Variants in NAV2 observed in about 807,000 individuals in gnomAD.
The protein encoded by NAV2 is helicase, APC down-regulated 1.
NAV2 carries 54 observed loss-of-function variants against 223.2 expected under a neutral mutation model. The ratio of observed to expected loss-of-function variants is 0.24; its 90% CI spans 0.19 to 0.30. NAV2 has a LOEUF of 0.30. NAV2 is among the 10% of genes least tolerant of loss of function. The probability of loss-of-function intolerance (pLI) is 1.00; values close to 1 mark genes in which losing one functional copy is unlikely to be tolerated. For missense variants in NAV2, 2,806 were observed against 3,147.5 expected (o/e 0.89, Z 2.60); for synonymous variants, 1,279 against 1,239.3 (o/e 1.03, Z -0.67).
chr11:19,681,374 T>G (rs2152226419), intron 1 of NAV2, among the ~76,000 whole-genome samples: 1 of 152,350 alleles, frequency 6.6e-6, no homozygotes, highest in South Asian at 2.1e-4. Context: ...GAAGTTGAAG[T>G]TTTGAATGGT....
chr11:19,425,925 A>G (rs1469745168), intron 1 of NAV2, among the ~76,000 whole-genome samples: 1 of 152,184 alleles, frequency 6.6e-6, no homozygotes, highest in African/African-American at 2.4e-5. Flanking sequence ...CCCTGAGGTG[A>G]GATTGTTTTC....
chr11:19,792,644 C>T (rs1002579153), intron 1 of NAV2, among the ~76,000 whole-genome samples: 4 of 152,224 alleles, frequency 2.6e-5, no homozygotes, highest in African/African-American at 9.6e-5. Context: ...GATGCAGGCT[C>T]TGGTTTATGT....
chr11:19,894,456 G>A (rs2041784751), intron 6 of NAV2, among the ~76,000 whole-genome samples: 1 of 152,222 alleles, frequency 6.6e-6, no homozygotes, highest in Admixed American at 6.5e-5. Flanking sequence ...AAAGATGGAT[G>A]TGAGACTCAA....
At chr11:19,730,349 C>T (rs1051471947) in intron 1 of NAV2, among the ~76,000 whole-genome samples, 3 of 152,212 alleles carry the variant, frequency 2.0e-5, no homozygotes, top group South Asian at 2.1e-4. Flanking sequence ...CCCACCCACA[C>T]AGGCGAAGGT....
intron 1 of NAV2, among the ~76,000 whole-genome samples, chr11:19,522,495 C>T (rs1272857030): frequency 6.6e-6 from 1 of 152,184 alleles, no homozygotes; most frequent in Non-Finnish European, 1.5e-5. Context: ...AACAGTGACC[C>T]CGCCTTCTTC....
chr11:19,950,798 C>A (rs973809458), intron 10 of NAV2, among the ~76,000 whole-genome samples: 1 of 152,166 alleles, frequency 6.6e-6, no homozygotes, highest in Non-Finnish European at 1.5e-5. Flanking sequence ...TACACAGAAG[C>A]CTTCAGAATG....
intron 1 of NAV2, among the ~76,000 whole-genome samples, chr11:19,625,482 T>G (rs931850461): frequency 3.9e-5 from 6 of 152,244 alleles, no homozygotes; most frequent in African/African-American, 1.4e-4. Context: ...ATTCCATAAC[T>G]TAGCTATCAT....
At chr11:19,791,309 A>T (rs2057498885) in intron 1 of NAV2, among the ~76,000 whole-genome samples, 1 of 152,156 alleles carries the variant, frequency 6.6e-6, no homozygotes, top group Non-Finnish European at 1.5e-5. Context: ...AAGGCGTTGG[A>T]ACCGCATCTT....
intron 6 of NAV2, among the ~76,000 whole-genome samples, chr11:19,915,544 T>C (rs2043731981): frequency 6.6e-6 from 1 of 152,266 alleles, no homozygotes; most frequent in African/African-American, 2.4e-5. Flanking sequence ...CCTCTGCCAC[T>C]GCAGCTCTCC....
intron 22 of NAV2, among the ~76,000 whole-genome samples, chr11:20,075,536 TG>T (rs1362648333): frequency 6.6e-6 from 1 of 152,122 alleles, no homozygotes; most frequent in African/African-American, 2.4e-5. Context: ...CTACCACGCC[TG>T]GCCTGTCTCC....
At chr11:20,073,313 G>A (rs1225389739) in intron 22 of NAV2, among the ~76,000 whole-genome samples, 1 of 152,128 alleles carries the variant, frequency 6.6e-6, no homozygotes, top group Admixed American at 6.5e-5. Context: ...TAAGCTTTTT[G>A]ATGTGCTGCT....
At chr11:20,104,889 C>G (rs941066573) in intron 34 of NAV2, 56 of 152,238 alleles carry the variant, frequency 3.7e-4, no homozygotes, top group African/African-American at 1.4e-3. Context: ...CCCCAAACAT[C>G]CATGCTATTT....
intron 1 of NAV2, among the ~76,000 whole-genome samples, chr11:19,707,264 T>A (rs1254631270): frequency 2.0e-5 from 3 of 152,344 alleles, no homozygotes; most frequent in Middle Eastern, 3.4e-3. Context: ...AACTGTAACT[T>A]TTTTACTTTA....
At chr11:19,983,418 C>A (rs1019974091) in intron 10 of NAV2, among the ~76,000 whole-genome samples, 89 of 152,286 alleles carry the variant, frequency 5.8e-4, no homozygotes, top group African/African-American at 2.1e-3. Context: ...GTGGCAACCC[C>A]CTGAAAACAT....
At chr11:19,774,011 T>C (rs901288126) in intron 1 of NAV2, among the ~76,000 whole-genome samples, 2 of 152,214 alleles carry the variant, frequency 1.3e-5, no homozygotes, top group Non-Finnish European at 2.9e-5. Flanking sequence ...AATAACCCCA[T>C]GTGATGTGAA....
At chr11:19,361,176 G>A (rs1853914227) in intron 1 of NAV2, among the ~76,000 whole-genome samples, 1 of 117,744 alleles carries the variant, frequency 8.5e-6, no homozygotes, top group African/African-American at 2.7e-5. Flanking sequence ...AAAGTACTTC[G>A]CACAACACCT....
chr11:20,010,207 A>G (rs1274218828), intron 11 of NAV2, among the ~76,000 whole-genome samples: 1 of 151,928 alleles, frequency 6.6e-6, no homozygotes, highest in Non-Finnish European at 1.5e-5. Flanking sequence ...ATCCTGACCC[A>G]TCTTTCCCCT....
chr11:19,976,592 T>C (rs1422287303), intron 10 of NAV2, among the ~76,000 whole-genome samples: 1 of 152,220 alleles, frequency 6.6e-6, no homozygotes, highest in African/African-American at 2.4e-5. Flanking sequence ...ATCTTTGCAG[T>C]ACTCCCCAGT....
chr11:19,912,750 C>T (rs140502886), intron 6 of NAV2, among the ~76,000 whole-genome samples: 6 of 152,278 alleles, frequency 3.9e-5, no homozygotes, highest in Non-Finnish European at 7.4e-5. Flanking sequence ...CTCTGAGGAA[C>T]ATTACTGTAT....
Sources: gnomAD v4.1 joint callset for allele counts (sites outside exome capture counted in the v4.1 genomes callset) on GRCh38, gnomAD v4.1.1 for gene constraint, MANE v1.5 for transcripts, NCBI Gene and HGNC (gene_info 2026-07-23, HGNC 2026-07-21) for gene names.